NEFM: variants seen among roughly 807,000 people sequenced by gnomAD.
The protein encoded by NEFM is neurofilament medium polypeptide.
In NEFM, 16 loss-of-function variants were observed where a neutral mutation model predicts 48.1. The ratio of observed to expected loss-of-function variants is 0.33; its 90% confidence interval spans 0.23 to 0.51. The LOEUF (loss-of-function observed/expected upper bound fraction) is 0.51, where lower values mean the gene tolerates loss of function less well. Ranked by LOEUF, NEFM falls within the 20% of genes least tolerant of loss-of-function variation. The probability of loss-of-function intolerance (pLI) is 0.98; values close to 1 mark genes in which losing one functional copy is unlikely to be tolerated. For synonymous variants in NEFM, 465 were observed against 456.9 expected (o/e 1.02, Z -0.23); for missense variants, 1,107 against 1,136.0 (o/e 0.97, Z 0.37).
Position 24,913,962 on chromosome 8 carries a change from C to A in NEFM, c.169C>A (p.Leu57Ile), listed in dbSNP as rs1802532683. Reference protein sequence around the residue: ...TVSSSYKRSMLAPRLAYSSAM... With the variant: ...TVSSSYKRSMIAPRLAYSSAM... ...GTCCTCCTCCTATAAGCGCAGCATG[C>A]TCGCCCCGCGCCTCGCTTACAGCTC... Residue 57 changes from leucine (L) to isoleucine (I), a missense_variant, in exon 1 of 3, where the codon CTC (leucine) becomes ATC (isoleucine). Transcript: ENST00000221166. The A allele has an allele frequency of 6.2e-7, 1 of 1,609,128 alleles. No homozygotes were observed. The highest frequency in any genetic ancestry group is 1.3e-5 in the African/African-American group (1 of 74,920).
At chr8:24,916,310 A>G (rs1456145648) in intron 2 of NEFM, among the ~76,000 whole-genome samples, 1 of 152,062 alleles carries the variant, frequency 6.6e-6, no homozygotes, top group Non-Finnish European at 1.5e-5. Flanking sequence ...AGATCTATAG[A>G]TACACATATG....
In NEFM at chr8:24,915,522, G is replaced by A. The variant is rs536877446; in HGVS notation, c.1081-83G>A. The stretch of plus-strand genomic sequence containing the variant: ...AGTGGAGGGAGACGGGAGGAGGCCA[G>A]GGGGAAGGGGTAGCAAGTGGTTTGC... On this transcript the variant is annotated intron_variant, in intron 1 of 2. Transcript: ENST00000221166. 1.2e-5 allele frequency: 19 copies of A among 1,597,896 alleles called. No homozygotes were observed. The Admixed American group carries it at 2.2e-4, about 18-fold the overall frequency.
Position 24,915,592 on chromosome 8 carries a change from G to A in NEFM, c.1081-13G>A. The A allele has an allele frequency of 2.5e-6, 4 of 1,614,066 alleles. No homozygotes were observed. Among genetic ancestry groups the A allele is most frequent in the Non-Finnish European group, 1.7e-6 (2 of 1,179,996 alleles). ...AAGGATGAGTCTGGGGAGATTCTCTGTGTCTGTTTCAGGACACCATCCAGC... is the reference window on the plus strand; with the variant it reads ...AAGGATGAGTCTGGGGAGATTCTCTATGTCTGTTTCAGGACACCATCCAGC... On this transcript the variant is annotated splice_polypyrimidine_tract_variant and intron_variant, in intron 1 of 2. Coordinates refer to ENST00000221166, the MANE Select transcript of NEFM (RefSeq NM_005382.2).
chr8:24,918,601 G>A lies in NEFM; in HGVS notation c.2746G>A (p.Asp916Asn). Residue 916 changes from aspartate (D) to asparagine (N), a missense_variant, in exon 3 of 3, where the codon GAC (aspartate) becomes AAC (asparagine). Physicochemically the swap from Asp to Asn is conservative, Grantham distance 23. Around this residue, in one of 3 missense-constraint regions of NEFM, gnomAD observed 917 missense variants for 916.4 expected, o/e 1.00. Coordinates refer to ENST00000221166, the MANE Select transcript of NEFM (RefSeq NM_005382.2). ...HAIVKEVTQS[D>N] ...CATAGTAAAGGAAGTCACCCAGAGT[G>A]ACTAAGATTTGAGTCCATTGCAAAA... is the stretch of plus-strand genomic sequence containing the variant. 1 of 1,608,518 alleles carries A rather than the reference G, an allele frequency of 6.2e-7. No individual in the cohort carries two copies.
In NEFM at chr8:24,918,474, C is replaced by A; in HGVS notation, c.2619C>A (p.Ile873=). ...GGGGAGATGGTGCTACCAAATACAT[C>A]ACTAAATCTGTAACCGTCACTCAAA... is the stretch of plus-strand genomic sequence containing the variant. ...SEGGDGATKY[I]TKSVTVTQKV... Residue 873 remains isoleucine, a synonymous_variant, in exon 3 of 3, where the codon ATC becomes ATA. Coordinates refer to ENST00000221166, the MANE Select transcript of NEFM (RefSeq NM_005382.2). 1 of 1,614,072 alleles carries A rather than the reference C, an allele frequency of 6.2e-7. No homozygotes were observed. Among genetic ancestry groups the A allele is most frequent in the Non-Finnish European group, 8.5e-7 (1 of 1,179,978 alleles).
chr8:24,915,000 C>A, intron 1 of NEFM, 127 bp downstream of exon 1: 1 of 1,413,760 alleles, frequency 7.1e-7, no homozygotes, highest in Non-Finnish European at 9.1e-7. Context: ...GCACGCGCGC[C>A]GCAGACCTAG....
At position 24,917,743 on chromosome 8, in the gene NEFM, G is replaced by A; in HGVS notation, c.1888G>A (p.Val630Met). Residue 630 changes from valine to methionine, a missense_variant, in exon 3 of 3, where the codon GTG becomes ATG. Coordinates refer to ENST00000221166, the MANE Select transcript of NEFM (RefSeq NM_005382.2). ...SPVEEKGKSP[V>M]PKSPVEEKGK... is the part of the protein sequence containing the mutation. Reference sequence around the variant, plus strand: ...AGTGGAAGAGAAAGGCAAGTCTCCTGTGCCCAAGTCACCAGTGGAAGAGAA... The same window carrying A: ...AGTGGAAGAGAAAGGCAAGTCTCCTATGCCCAAGTCACCAGTGGAAGAGAA... 6.2e-7 allele frequency: 1 copy of A among 1,613,868 alleles called. No homozygotes were observed. Among genetic ancestry groups the A allele is most frequent in the Non-Finnish European group, 8.5e-7 (1 of 1,179,930 alleles).
rs150229714 is a variant in NEFM, at chr8:24,918,508, G to A, written c.2653G>A (p.Glu885Lys). 39 of 1,613,980 alleles carry A rather than the reference G, an allele frequency of 2.4e-5. No individual in the cohort carries two copies. The African/African-American group carries it at 4.4e-4, about 18-fold the overall frequency. The change falls in exon 3 of 3, where the codon GAG becomes AAG. Residue 885 changes from glutamate to lysine, a missense_variant. By Grantham distance (56) the Glu-to-Lys change is moderately conservative. Coordinates refer to ENST00000221166, the MANE Select transcript of NEFM (RefSeq NM_005382.2). ...KSVTVTQKVE[E>K]HEETFEEKLV... ...TGTAACCGTCACTCAAAAGGTTGAA[G>A]AGCATGAAGAGACCTTTGAGGAGAA...
At position 24,913,965 on chromosome 8, in the gene NEFM, G is replaced by T. The variant is rs376739149; in HGVS notation, c.172G>T (p.Ala58Ser). The change falls in exon 1 of 3, where the codon GCC becomes TCC. Residue 58 changes from alanine to serine, a missense_variant. Physicochemically the swap from Ala to Ser is moderately conservative, Grantham distance 99 (BLOSUM62 1). Coordinates refer to ENST00000221166, the MANE Select transcript of NEFM (RefSeq NM_005382.2). ...VSSSYKRSML[A>S]PRLAYSSAML... ...CTCCTCCTATAAGCGCAGCATGCTC[G>T]CCCCGCGCCTCGCTTACAGCTCGGC... 29 of 1,606,904 alleles carry T rather than the reference G, an allele frequency of 1.8e-5. No individual in the cohort carries two copies. The highest frequency in any genetic ancestry group is 6.7e-5 in the Admixed American group (4 of 59,648).
chr8:24,916,378 T>C (rs1236940758), intron 2 of NEFM, among the ~76,000 whole-genome samples: 1 of 152,200 alleles, frequency 6.6e-6, no homozygotes, highest in East Asian at 1.9e-4. Flanking sequence ...GTTTTATAGA[T>C]AGTGAGATAG....
Position 24,917,433 on chromosome 8 carries a change from A to C in NEFM, c.1578A>C (p.Glu526Asp), listed in dbSNP as rs568842704. ...CTGAAGTTAAAGAAGAGGAAGGGGA[A>C]AAGGAGGAAGAAGAAGGCCAGGAAG... The part of the protein sequence containing the change: ...TAPEVKEEEG[E>D]KEEEEGQEEE... Residue 526 changes from glutamate to aspartate, a missense_variant, in exon 3 of 3, where the codon GAA (glutamate) becomes GAC (aspartate). Transcript: ENST00000221166. The C allele has an allele frequency of 1.3e-5, 21 of 1,557,542 alleles. No individual in the cohort carries two copies. In the African/African-American group the frequency reaches 2.6e-4, roughly 19 times the overall value.
In NEFM at chr8:24,914,773, A is replaced by C; in HGVS notation, c.980A>C (p.Lys327Thr). ...GAGTACCGGCGCCAGCTGCAGTCCAAGAGCATCGAGCTAGAGTCGGTGCGC... is the reference window on the plus strand; with the variant it reads ...GAGTACCGGCGCCAGCTGCAGTCCACGAGCATCGAGCTAGAGTCGGTGCGC... ...IAEYRRQLQS[K>T]SIELESVRGT... is the part of the protein sequence containing the mutation. Residue 327 changes from lysine to threonine, a missense_variant, in exon 1 of 3, where the codon AAG (lysine) becomes ACG (threonine). Coordinates refer to ENST00000221166, the MANE Select transcript of NEFM (RefSeq NM_005382.2). The C allele has an allele frequency of 6.2e-7, 1 of 1,610,976 alleles. No individual in the cohort carries two copies. The highest frequency in any genetic ancestry group is 8.5e-7 in the Non-Finnish European group (1 of 1,178,856).
chr8:24,914,037 T>C lies in NEFM; in HGVS notation c.244T>C (p.Ser82Pro). 1.2e-6 allele frequency: 2 copies of C among 1,612,756 alleles called. No individual in the cohort carries two copies. The highest frequency in any genetic ancestry group is 1.7e-6 in the Non-Finnish European group (2 of 1,179,960). Residue 82 changes from serine (S) to proline (P), a missense_variant, in exon 1 of 3, where the codon TCC (serine) becomes CCC (proline). Coordinates refer to ENST00000221166, the MANE Select transcript of NEFM (RefSeq NM_005382.2). The part of the protein sequence containing the change: ...ESSLDFSQSS[S>P]LLNGGSGPGG... ...CAGCCTTGACTTCAGCCAGTCCTCGTCCCTGCTCAACGGCGGCTCCGGACC... is the reference window on the plus strand; with the variant it reads ...CAGCCTTGACTTCAGCCAGTCCTCGCCCCTGCTCAACGGCGGCTCCGGACC...
intron 2 of NEFM, 81 bp from the exon 3 acceptor site, chr8:24,916,980 C>G: frequency 3.5e-6 from 4 of 1,136,526 alleles, no homozygotes; most frequent in Non-Finnish European, 4.0e-6. Flanking sequence ...AGGTAGCTAC[C>G]ACAATACCCA....
intron 1 of NEFM, chr8:24,915,093 A>G: frequency 3.7e-6 from 5 of 1,366,680 alleles, no homozygotes; most frequent in South Asian, 1.8e-5. Context: ...AAGGGTCTTG[A>G]CCTTTTTCAG....
chr8:24,918,482 C>A lies in NEFM; in HGVS notation c.2627C>A (p.Ser876Tyr). The A allele has an allele frequency of 1.2e-6, 2 of 1,614,076 alleles. No individual in the cohort carries two copies. The highest frequency in any genetic ancestry group is 1.7e-6 in the Non-Finnish European group (2 of 1,179,974). ...GDGATKYITK[S>Y]VTVTQKVEEH... The stretch of plus-strand genomic sequence containing the variant: ...GGTGCTACCAAATACATCACTAAAT[C>A]TGTAACCGTCACTCAAAAGGTTGAA... The change falls in exon 3 of 3, where the codon TCT (serine) becomes TAT (tyrosine). Residue 876 changes from serine to tyrosine, a missense_variant. Ser to Tyr is a moderately radical substitution (Grantham distance 144). Coordinates refer to ENST00000221166, the MANE Select transcript of NEFM (RefSeq NM_005382.2).
chr8:24,914,901 T>TGGGCCA (rs1470541120), intron 1 of NEFM, 28 bp downstream of exon 1: 2 of 1,559,304 alleles, frequency 1.3e-6, no homozygotes, highest in Non-Finnish European at 1.7e-6. Flanking sequence ...GCGGCCAGCC[T>TGGGCCA]GCGCCAGCGC....
rs531889441 is a variant in NEFM at position 24,914,238 on chromosome 8, G to A, written c.445G>A (p.Ala149Thr). Residue 149 changes from alanine to threonine, a missense_variant, in exon 1 of 3, where the codon GCG (alanine) becomes ACG (threonine). Physicochemically the swap from Ala to Thr is moderately conservative, Grantham distance 58 (BLOSUM62 0). Around this residue, in one of 3 missense-constraint regions of NEFM, gnomAD observed 4 missense variants for 19.0 expected, o/e 0.21. Coordinates refer to ENST00000221166, the MANE Select transcript of NEFM (RefSeq NM_005382.2). ...GGCCTCGCACGCCCAGCTGGGCGAC[G>A]CGTACGACCAGGAGATCCGCGAGCT... ...KQASHAQLGDAYDQEIRELRA... is the reference protein window; with the variant it reads ...KQASHAQLGDTYDQEIRELRA... The A allele has an allele frequency of 6.2e-7, 1 of 1,610,532 alleles. No individual in the cohort carries two copies. The highest frequency in any genetic ancestry group is 2.2e-5 in the East Asian group (1 of 44,738).
rs200933433 is a variant in NEFM, at chr8:24,914,708, G to C, written c.915G>C (p.Gln305His). ...RYAKLTEAAE[Q>H]NKEAIRSAKE... Reference sequence around the variant, plus strand: ...CCAAGCTCACCGAGGCGGCCGAGCAGAACAAGGAGGCCATCCGCTCCGCCA... The same window carrying C: ...CCAAGCTCACCGAGGCGGCCGAGCACAACAAGGAGGCCATCCGCTCCGCCA... The change falls in exon 1 of 3, where the codon CAG becomes CAC. Residue 305 changes from glutamine to histidine, a missense_variant. Physicochemically the swap from Gln to His is conservative, Grantham distance 24. Around this residue, in one of 3 missense-constraint regions of NEFM, gnomAD observed 917 missense variants for 916.4 expected, o/e 1.00. Transcript: ENST00000221166. 165 of 1,613,942 alleles carry C rather than the reference G, an allele frequency of 1.0e-4. 1 individual carries two copies. The highest frequency in any genetic ancestry group is 6.6e-4 in the South Asian group (60 of 91,090).
Sources: gnomAD v4.1 joint callset for allele counts (sites outside exome capture counted in the v4.1 genomes callset) on GRCh38, gnomAD v4.1.1 for gene constraint, gnomAD v4.1.1 regional missense constraint, MANE v1.5 for transcripts, NCBI Gene and HGNC (gene_info 2026-07-23, HGNC 2026-07-21) for gene names.